DAB1: variants seen among roughly 807,000 people sequenced by gnomAD.
DAB1 encodes DAB adaptor protein 1.
DAB1 carries 15 observed loss-of-function variants against 64.6 expected under a neutral mutation model. That is an observed-to-expected ratio of 0.23 (90% CI 0.16 to 0.36). The LOEUF (loss-of-function observed/expected upper bound fraction) is 0.36. Among genes scored for constraint, DAB1 ranks in the 10% least tolerant of loss-of-function variants. DAB1 has a pLI of 1.00. For synonymous variants in DAB1, 235 were observed against 251.9 expected, an observed-to-expected ratio of 0.93 and a Z score of 0.64; for missense variants, 596 against 706.7, an observed-to-expected ratio of 0.84 and a Z score of 1.78.
chr1:57,071,585 C>T lies in DAB1; in HGVS notation c.495G>A (p.Lys165=), dbSNP rs144079582. Residue 165 remains lysine (K), a synonymous_variant, in exon 6 of 15, where the codon AAG becomes AAA. Transcript: ENST00000371236. ...CCTTTTTTTCTAATTCTTCTCTTTG[C>T]TTCAATTCATAAATGAGTTGAAAGA... is the stretch of plus-strand genomic sequence containing the variant. ...RDLFQLIYEL[K]QREELEKKAQ... 2.4e-4 allele frequency: 393 copies of T among 1,613,730 alleles called. 1 individual carries two copies. Among genetic ancestry groups the T allele is most frequent in the African/African-American group, 2.1e-3 (161 of 75,014 alleles).
chr1:57,078,735 G>A (rs972528156), intron 4 of DAB1, among the ~76,000 whole-genome samples: 2 of 152,146 alleles, frequency 1.3e-5, no homozygotes, highest in Admixed American at 6.5e-5. Flanking sequence ...TGTTATTGGT[G>A]GAAGTGTGAT....
At chr1:57,211,278 A>C (rs1026351401) in intron 2 of DAB1, among the ~76,000 whole-genome samples, 1 of 152,172 alleles carries the variant, frequency 6.6e-6, no homozygotes. Flanking sequence ...CCCAAGTACT[A>C]AACTGCTGCG....
At position 57,172,063 on chromosome 1, in the gene DAB1, C is replaced by G. The variant is rs151158229; in HGVS notation, c.68-26634G>C. ...GGGTAGCTGGCAATCTTGGCATCTTCTGGCTTGTAGACACATTATCCTGAT... is the reference window on the plus strand; with the variant it reads ...GGGTAGCTGGCAATCTTGGCATCTTGTGGCTTGTAGACACATTATCCTGAT... On this transcript the variant is annotated intron_variant, in intron 2 of 14. Coordinates refer to ENST00000371236, the MANE Select transcript of DAB1 (RefSeq NM_001365792.1). Among the ~76,000 whole-genome samples, 29 of 152,222 alleles carry G rather than the reference C, an allele frequency of 1.9e-4. 1 individual carries two copies. Among genetic ancestry groups the G allele is most frequent in the African/African-American group, 6.3e-4 (26 of 41,528 alleles).
intron 2 of DAB1, among the ~76,000 whole-genome samples, chr1:57,173,406 AT>A (rs1661990041): frequency 6.6e-6 from 1 of 152,196 alleles, no homozygotes; most frequent in South Asian, 2.1e-4. Context: ...GCACAAAATT[AT>A]TAAAAATATG....
intron 1 of DAB1, among the ~76,000 whole-genome samples, chr1:57,353,428 T>A (rs1401481019): frequency 1.3e-5 from 2 of 152,104 alleles, no homozygotes; most frequent in African/African-American, 2.4e-5. Flanking sequence ...ATCCTTGAGA[T>A]GAATGGCAAG....
At chr1:57,568,650 T>C (rs1645153464) in intron 7 of DAB1, among the ~76,000 whole-genome samples, 2 of 152,188 alleles carry the variant, frequency 1.3e-5, no homozygotes, top group African/African-American at 4.8e-5. Context: ...AGAAGACTTT[T>C]ATGCAGCCAA....
intron 4 of DAB1, among the ~76,000 whole-genome samples, chr1:58,174,051 G>T (rs1204870966): frequency 3.9e-5 from 6 of 152,150 alleles, no homozygotes; most frequent in Non-Finnish European, 8.8e-5. Flanking sequence ...GTCCCAAATA[G>T]ACTCTTTGGC....
chr1:57,229,954 G>A (rs1305003254), intron 2 of DAB1, among the ~76,000 whole-genome samples: 2 of 152,192 alleles, frequency 1.3e-5, no homozygotes, highest in Non-Finnish European at 2.9e-5. Context: ...ACTGGCTACT[G>A]TTGAAGAGTA....
At chr1:57,765,056 G>A (rs1649249903) in intron 6 of DAB1, among the ~76,000 whole-genome samples, 1 of 152,170 alleles carries the variant, frequency 6.6e-6, no homozygotes, top group South Asian at 2.1e-4. Context: ...GCAGGGATTA[G>A]AATTCAGTTC....
chr1:58,009,068 T>A (rs1362843983), intron 5 of DAB1, among the ~76,000 whole-genome samples: 1 of 152,178 alleles, frequency 6.6e-6, no homozygotes, highest in South Asian at 2.1e-4. Context: ...GAAATGTGCA[T>A]ACACACCTAC....
At chr1:58,295,859 G>T (rs543209166) in intron 4 of DAB1, among the ~76,000 whole-genome samples, 1 of 151,870 alleles carries the variant, frequency 6.6e-6, no homozygotes, top group African/African-American at 2.4e-5. Flanking sequence ...GGGAGGTCAA[G>T]GTGGGTGGAT....
chr1:57,636,222 G>A (rs1003994794), intron 7 of DAB1, among the ~76,000 whole-genome samples: 3 of 152,172 alleles, frequency 2.0e-5, no homozygotes, highest in African/African-American at 7.2e-5. Flanking sequence ...GCTACAGTGA[G>A]AAGGCGGCTC....
intron 4 of DAB1, among the ~76,000 whole-genome samples, chr1:57,122,650 C>T (rs1209084093): frequency 6.6e-6 from 1 of 152,052 alleles, no homozygotes; most frequent in Non-Finnish European, 1.5e-5. Context: ...CTGAAAGAGG[C>T]TACAGAAAAA....
chr1:57,990,456 G>A (rs1646316005), intron 5 of DAB1, among the ~76,000 whole-genome samples: 3 of 152,144 alleles, frequency 2.0e-5, no homozygotes, highest in South Asian at 2.1e-4. Flanking sequence ...AACTTTAAGC[G>A]TCTCACATAC....
intron 6 of DAB1, among the ~76,000 whole-genome samples, chr1:57,740,534 G>GTGGAA (rs757097663): frequency 3.4e-4 from 52 of 152,368 alleles, no homozygotes; most frequent in Non-Finnish European, 4.6e-4. Flanking sequence ...GAACACTTAT[G>GTGGAA]TGGAAGTATT....
At chr1:57,902,462 T>C (rs964724784) in intron 5 of DAB1, among the ~76,000 whole-genome samples, 5 of 152,168 alleles carry the variant, frequency 3.3e-5, no homozygotes, top group African/African-American at 7.2e-5. Context: ...TTACCTAACA[T>C]ACAGTCCATA....
chr1:57,499,331 G>C (rs568519092), intron 7 of DAB1, among the ~76,000 whole-genome samples: 2 of 152,314 alleles, frequency 1.3e-5, no homozygotes, highest in South Asian at 4.1e-4. Flanking sequence ...GATTCACTTT[G>C]CATGTGAAGT....
intron 8 of DAB1, 70 bp downstream of exon 8, chr1:57,069,290 T>G: frequency 7.7e-7 from 1 of 1,294,042 alleles, no homozygotes; most frequent in Non-Finnish European, 1.1e-6. Context: ...CCTTGGTTCT[T>G]TAGACTATCA....
At chr1:57,023,505 AG>A (rs760578144) in intron 11 of DAB1, 25 bp downstream of exon 11, 10 of 1,367,166 alleles carry the variant, frequency 7.3e-6, no homozygotes, top group Non-Finnish European at 1.0e-5. Context: ...GGCCAAAGGA[AG>A]GGAAGCTGGT....
Sources: allele counts gnomAD v4.1 joint callset (sites outside exome capture counted in the v4.1 genomes callset), GRCh38; gene constraint gnomAD v4.1.1; transcripts MANE v1.5; gene names NCBI Gene and HGNC (gene_info 2026-07-23, HGNC 2026-07-21).